The following RPS6KC1 variants were observed in gnomAD, a reference collection of about 807,000 sequenced individuals.
The protein encoded by RPS6KC1 is inactive ribosomal protein S6 kinase delta-1.
Under a neutral mutation model 103.8 loss-of-function variants are expected in RPS6KC1, and 54 were observed. That is an observed-to-expected ratio of 0.52 (90% CI 0.42 to 0.65). RPS6KC1 has a LOEUF of 0.65. Ranked by LOEUF, RPS6KC1 falls within the 30% of genes least tolerant of loss-of-function variation. The pLI is 0.00. For synonymous variants in RPS6KC1, 439 were observed against 438.7 expected (o/e 1.00, Z -0.01); for missense variants, 1,151 against 1,253.8 (o/e 0.92, Z 1.24).
At chr1:213,861,906 C>G in the RPS6KC1 span, among the ~76,000 whole-genome samples, 1 of 152,102 alleles carries the variant, frequency 6.6e-6, no homozygotes, top group African/African-American at 2.4e-5. Flanking sequence ...TTTTGCTCCC[C>G]GGGCTCCCTT....
chr1:213,211,191 A>C (rs569360207), intron 8 of RPS6KC1, among the ~76,000 whole-genome samples: 1 of 152,356 alleles, frequency 6.6e-6, no homozygotes, highest in Non-Finnish European at 1.5e-5. Context: ...TTATCATCCC[A>C]GGTGAACTTC....
At chr1:213,371,343 C>T in the RPS6KC1 span, among the ~76,000 whole-genome samples, 14 of 152,252 alleles carry the variant, frequency 9.2e-5, no homozygotes, top group East Asian at 5.8e-4. Context: ...TTTGTTGATC[C>T]GTTCATTTGT....
chr1:213,746,829 A>G, the RPS6KC1 span, among the ~76,000 whole-genome samples: 2 of 152,162 alleles, frequency 1.3e-5, no homozygotes, highest in Non-Finnish European at 2.9e-5. Context: ...TTTGGGCTCA[A>G]GCAATTGAAA....
chr1:213,094,240 ACAT>A (rs2081253271), intron 3 of RPS6KC1, among the ~76,000 whole-genome samples: 1 of 152,196 alleles, frequency 6.6e-6, no homozygotes, highest in South Asian at 2.1e-4. Flanking sequence ...TAAAATGCAG[ACAT>A]CATGATATTT....
the RPS6KC1 span, among the ~76,000 whole-genome samples, chr1:213,529,980 G>C: frequency 5.9e-5 from 9 of 152,018 alleles, no homozygotes; most frequent in African/African-American, 2.2e-4. Context: ...ACATTCTATT[G>C]CAAGTCCTGA....
chr1:213,359,952 G>T, the RPS6KC1 span, among the ~76,000 whole-genome samples: 1 of 152,128 alleles, frequency 6.6e-6, no homozygotes, highest in African/African-American at 2.4e-5. Flanking sequence ...GCTTCCCTTT[G>T]TGGGTAACCC....
the RPS6KC1 span, among the ~76,000 whole-genome samples, chr1:213,313,612 C>A: frequency 2.6e-5 from 4 of 152,230 alleles, no homozygotes; most frequent in Non-Finnish European, 5.9e-5. Flanking sequence ...TGTCTTAGTT[C>A]TTTATGTTAG....
At chr1:213,189,448 CA>C (rs35941412) in intron 8 of RPS6KC1, among the ~76,000 whole-genome samples, 60,391 of 103,608 alleles carry the variant, frequency 0.58, 14,837 homozygotes, top group South Asian at 0.63. Flanking sequence ...GCCTTTGTCT[CA>C]AAAAAAAAAA....
At chr1:213,278,204 T>TA (rs879371303), downstream of RPS6KC1, among the ~76,000 whole-genome samples, 343 of 141,586 alleles carry the variant, frequency 2.4e-3, 1 homozygote, top group Middle Eastern at 7.4e-3. Flanking sequence ...GACCTAGACT[T>TA]AAAAAAAAAA....
the RPS6KC1 span, among the ~76,000 whole-genome samples, chr1:213,640,215 T>C: frequency 1.3e-5 from 2 of 152,006 alleles, no homozygotes; most frequent in African/African-American, 4.8e-5. Context: ...CGTTATTTCC[T>C]TTTAATGCCT....
the RPS6KC1 span, among the ~76,000 whole-genome samples, chr1:213,710,401 A>G: frequency 3.8e-4 from 58 of 152,140 alleles, no homozygotes; most frequent in Middle Eastern, 6.8e-3. Flanking sequence ...TTTTGAGCCT[A>G]TATGTGTCTT....
At chr1:213,143,921 C>T (rs1270448458) in intron 6 of RPS6KC1, among the ~76,000 whole-genome samples, 11 of 151,214 alleles carry the variant, frequency 7.3e-5, no homozygotes. Flanking sequence ...TGCTTATGGT[C>T]CCCTTTGTCC....
the RPS6KC1 span, among the ~76,000 whole-genome samples, chr1:213,617,119 A>G: frequency 6.6e-6 from 1 of 152,142 alleles, no homozygotes; most frequent in African/African-American, 2.4e-5. Context: ...CCTGGCCCCT[A>G]TCTCCTAAGA....
the RPS6KC1 span, among the ~76,000 whole-genome samples, chr1:213,517,077 C>T: frequency 6.6e-6 from 1 of 151,910 alleles, no homozygotes; most frequent in Non-Finnish European, 1.5e-5. Context: ...GGTGATATTC[C>T]CTTTATCATT....
chr1:213,753,493 C>T, the RPS6KC1 span, among the ~76,000 whole-genome samples: 1 of 152,148 alleles, frequency 6.6e-6, no homozygotes, highest in Non-Finnish European at 1.5e-5. Flanking sequence ...TGGGGCCCTA[C>T]TAGATTGCCC....
At chr1:213,645,860 T>G in the RPS6KC1 span, among the ~76,000 whole-genome samples, 1 of 152,170 alleles carries the variant, frequency 6.6e-6, no homozygotes, top group Non-Finnish European at 1.5e-5. Context: ...TGCTCCAGCT[T>G]CTGGTTCACA....
chr1:213,741,571 G>A, the RPS6KC1 span, among the ~76,000 whole-genome samples: 19,522 of 152,012 alleles, frequency 0.13, 1,405 homozygotes, highest in African/African-American at 0.2. Flanking sequence ...CAACCTCCAT[G>A]TTCTGCTGTC....
At chr1:213,187,014 C>A (rs368153645) in intron 8 of RPS6KC1, among the ~76,000 whole-genome samples, 3 of 152,092 alleles carry the variant, frequency 2.0e-5, no homozygotes, top group African/African-American at 7.2e-5. Flanking sequence ...ATCAGTGATT[C>A]TCCCATCTTA....
At chr1:213,376,839 G>T in the RPS6KC1 span, among the ~76,000 whole-genome samples, 2 of 152,218 alleles carry the variant, frequency 1.3e-5, no homozygotes, top group Non-Finnish European at 2.9e-5. Context: ...TCTCAGGAAT[G>T]AGGCTCTCTT....
Sources: gnomAD v4.1 joint callset for allele counts (sites outside exome capture counted in the v4.1 genomes callset) on GRCh38, gnomAD v4.1.1 for gene constraint, MANE v1.5 for transcripts, NCBI Gene and HGNC (gene_info 2026-07-23, HGNC 2026-07-21) for gene names.